Variants in USP34 observed in about 807,000 individuals in gnomAD.
USP34 encodes the protein ubiquitin carboxyl-terminal hydrolase 34.
Under a neutral mutation model 460.3 loss-of-function variants are expected in USP34, and 70 were observed. That is an observed-to-expected ratio of 0.15 (90% CI 0.13 to 0.19). USP34 has a LOEUF of 0.19. Ranked by LOEUF, USP34 falls within the 10% of genes least tolerant of loss-of-function variation. USP34 has a pLI of 1.00. For synonymous variants in USP34, 1,647 were observed against 1,405.3 expected, an observed-to-expected ratio of 1.17 and a Z score of -3.85; for missense variants, 3,985 against 4,236.2, an observed-to-expected ratio of 0.94 and a Z score of 1.65.
In USP34 at chr2:61,223,244, C is replaced by T. The variant is rs1314834437; in HGVS notation, c.7644+4G>A. On this transcript the variant is annotated splice_donor_region_variant and intron_variant, in intron 63 of 79. Transcript: ENST00000398571. ...AAATTGTCTAATATTAGAGAATGTA[C>T]TACCTTTCCTCCTGTTAATGCTGCC... 6.2e-7 allele frequency: 1 copy of T among 1,613,946 alleles called. No individual in the cohort carries two copies. The highest frequency in any genetic ancestry group is 8.5e-7 in the Non-Finnish European group (1 of 1,179,906).
At chr2:61,423,725 C>A (rs969297481) in intron 1 of USP34, among the ~76,000 whole-genome samples, 46 of 152,164 alleles carry the variant, frequency 3.0e-4, no homozygotes, top group African/African-American at 1.1e-3. Context: ...AGGAAGACTG[C>A]TTGAGGCCAG....
intron 3 of USP34, among the ~76,000 whole-genome samples, chr2:61,397,930 G>T (rs887813317): frequency 2.0e-5 from 3 of 151,268 alleles, no homozygotes; most frequent in Admixed American, 1.3e-4. Flanking sequence ...AACCAGGGGT[G>T]ATGGCACACG....
chr2:61,254,684 G>C (rs920914931), intron 48 of USP34, among the ~76,000 whole-genome samples: 1 of 152,192 alleles, frequency 6.6e-6, no homozygotes, highest in African/African-American at 2.4e-5. Flanking sequence ...GCCAGGTGCA[G>C]TGGCTTCATG....
chr2:61,469,711 G>A (rs944891834), intron 1 of USP34, among the ~76,000 whole-genome samples: 2 of 152,192 alleles, frequency 1.3e-5, no homozygotes, highest in African/African-American at 4.8e-5. Flanking sequence ...CACATAAACT[G>A]TTCATAAGTG....
Position 61,189,081 on chromosome 2 carries a change from C to CAGAT in USP34, c.9874-16_9874-13dup, listed in dbSNP as rs759664079. On this transcript the variant is annotated splice_polypyrimidine_tract_variant and intron_variant, in intron 78 of 79. Transcript: ENST00000398571. ...AGTGCCCTCAGGTCCTACAAAAACC[C>CAGAT]AGATAGGAACATTTCAAATTCTAAA... 6.6e-5 allele frequency: 105 copies of CAGAT among 1,601,226 alleles called. No individual in the cohort carries two copies. Among genetic ancestry groups the CAGAT allele is most frequent in the Middle Eastern group, 1.7e-4 (1 of 6,016 alleles).
chr2:61,397,466 G>A (rs889250737), intron 3 of USP34, among the ~76,000 whole-genome samples: 5 of 146,434 alleles, frequency 3.4e-5, no homozygotes, highest in East Asian at 4.1e-4. Flanking sequence ...AAAAATTCAC[G>A]CTGAAAAGAC....
chr2:61,272,269 G>A (rs536361901), intron 41 of USP34, among the ~76,000 whole-genome samples: 39 of 152,118 alleles, frequency 2.6e-4, no homozygotes, highest in Middle Eastern at 6.8e-3. Context: ...AAATTAGCTG[G>A]GTGTGGTGGC....
intron 5 of USP34, among the ~76,000 whole-genome samples, chr2:61,383,622 G>A (rs1467427731): frequency 2.6e-5 from 4 of 151,832 alleles, no homozygotes; most frequent in Non-Finnish European, 4.4e-5. Flanking sequence ...AGAATCGCTT[G>A]AACCCCCACC....
chr2:61,333,911 C>G lies in USP34; in HGVS notation c.2805G>C (p.Gly935=), dbSNP rs1691344478. 6.3e-7 allele frequency: 1 copy of G among 1,592,608 alleles called. No individual in the cohort carries two copies. The highest frequency in any genetic ancestry group is 1.2e-5 in the South Asian group (1 of 86,408). Residue 935 remains glycine, a synonymous_variant, in exon 19 of 80, where the codon GGG becomes GGC. Coordinates refer to ENST00000398571, the MANE Select transcript of USP34 (RefSeq NM_014709.4). ...TTATCCAGTGTGTATCGTAACTGCT[C>G]CCAAACTGCTGAAAAGTACCAAATA... ...PKLFGTFQQF[G]SSYDTHWITM... is the part of the protein sequence containing the mutation.
At chr2:61,330,055 T>A (rs1489124157) in intron 20 of USP34, among the ~76,000 whole-genome samples, 3 of 152,068 alleles carry the variant, frequency 2.0e-5, no homozygotes, top group Admixed American at 1.3e-4. Context: ...TGAAAAGACA[T>A]GGGGTATATT....
At chr2:61,407,944 A>G (rs1369329499) in intron 2 of USP34, among the ~76,000 whole-genome samples, 1 of 152,000 alleles carries the variant, frequency 6.6e-6, no homozygotes, top group Non-Finnish European at 1.5e-5. Context: ...GTGAAACCCC[A>G]TCTCTACTAA....
intron 39 of USP34, among the ~76,000 whole-genome samples, 161 bp downstream of exon 39, chr2:61,280,083 G>C (rs1323460756): frequency 2.0e-5 from 3 of 152,034 alleles, no homozygotes. Context: ...AAAGGAATTA[G>C]AAGAAGGTGG....
chr2:61,409,881 G>A (rs1378999302), intron 2 of USP34, among the ~76,000 whole-genome samples: 1 of 152,052 alleles, frequency 6.6e-6, no homozygotes, highest in Non-Finnish European at 1.5e-5. Flanking sequence ...TTCAAAAAGG[G>A]CTGTGAGTCT....
chr2:61,228,162 C>G (rs1032602817), intron 61 of USP34, among the ~76,000 whole-genome samples: 3 of 152,148 alleles, frequency 2.0e-5, no homozygotes. Context: ...ATAAAGGGTA[C>G]TTATCTCTTA....
At chr2:61,196,069 ATTTTTTTTTTTTTTT>A (rs71403398) in intron 75 of USP34, among the ~76,000 whole-genome samples, 3 of 41,576 alleles carry the variant, frequency 7.2e-5, no homozygotes, top group African/African-American at 3.2e-4. Context: ...ACCATGCACG[ATTTTTTTTTTTTTTT>A]TTTTTTTTTT....
At chr2:61,315,077 T>C (rs1356214163) in intron 23 of USP34, 103 bp from the exon 24 acceptor site, 1 of 757,528 alleles carries the variant, frequency 1.3e-6, no homozygotes, top group African/African-American at 1.8e-5. Flanking sequence ...CTCCTATTAT[T>C]CAGCTATTAA....
intron 39 of USP34, 27 bp from the exon 40 acceptor site, chr2:61,278,470 C>G (rs1380868592): frequency 6.8e-7 from 1 of 1,460,320 alleles, no homozygotes; most frequent in Non-Finnish European, 9.1e-7. Flanking sequence ...AATAAAAATT[C>G]AAATATAAAT....
chr2:61,397,441 TAAAA>T (rs35650295), intron 3 of USP34, among the ~76,000 whole-genome samples: 2 of 131,264 alleles, frequency 1.5e-5, no homozygotes, highest in Non-Finnish European at 3.2e-5. Flanking sequence ...AGGCTCCATC[TAAAA>T]AAAAAAAAAA....
intron 2 of USP34, among the ~76,000 whole-genome samples, chr2:61,407,166 G>T (rs1573010860): frequency 6.6e-6 from 1 of 152,160 alleles, no homozygotes; most frequent in Non-Finnish European, 1.5e-5. Context: ...TGGGAGGATC[G>T]CTTAAGTCCA....
Sources: gnomAD v4.1 joint callset for allele counts (sites outside exome capture counted in the v4.1 genomes callset) on GRCh38, gnomAD v4.1.1 for gene constraint, MANE v1.5 for transcripts, NCBI Gene and HGNC (gene_info 2026-07-23, HGNC 2026-07-21) for gene names.